The following MECR variants were observed in gnomAD, a reference collection of about 807,000 sequenced individuals.
MECR encodes the protein mitochondrial trans-2-enoyl-CoA reductase.
A neutral mutation model predicts 49.1 loss-of-function variants in MECR; 37 were observed. The ratio of observed to expected loss-of-function variants is 0.75; its 90% CI spans 0.58 to 0.99. The LOEUF is 0.99. Ranked by LOEUF, MECR falls within the 50% of genes least tolerant of loss-of-function variation. The probability of loss-of-function intolerance (pLI) is 0.00; values close to 1 mark genes in which losing one functional copy is unlikely to be tolerated. For synonymous variants in MECR, 198 were observed against 191.1 expected, an observed-to-expected ratio of 1.04 and a Z score of -0.30; for missense variants, 470 against 479.6, an observed-to-expected ratio of 0.98 and a Z score of 0.19.
intron 4 of MECR, among the ~76,000 whole-genome samples, chr1:29,206,000 C>T (rs577736066): frequency 6.6e-6 from 1 of 152,304 alleles, no homozygotes; most frequent in Admixed American, 6.5e-5. Flanking sequence ...ACACTTGGCT[C>T]TGTCATTTAC....
the MECR span, among the ~76,000 whole-genome samples, chr1:29,183,714 G>T: frequency 1.3e-5 from 2 of 152,068 alleles, no homozygotes; most frequent in Non-Finnish European, 2.9e-5. Context: ...AGGAAAATCA[G>T]CTCTTTGTCA....
chr1:29,197,802 T>G (rs920832713), intron 7 of MECR, among the ~76,000 whole-genome samples: 1 of 152,218 alleles, frequency 6.6e-6, no homozygotes, highest in African/African-American at 2.4e-5. Context: ...CTTACCAGGC[T>G]TCTACTATGT....
chr1:29,218,402 T>C (rs925997052), intron 1 of MECR, among the ~76,000 whole-genome samples: 1 of 152,226 alleles, frequency 6.6e-6, no homozygotes, highest in Non-Finnish European at 1.5e-5. Flanking sequence ...ATGCATTTAT[T>C]AAGTAGTAAT....
intron 3 of MECR, among the ~76,000 whole-genome samples, chr1:29,210,089 C>T (rs995420107): frequency 6.6e-6 from 1 of 151,454 alleles, no homozygotes; most frequent in African/African-American, 2.4e-5. Context: ...CAGCTCACTG[C>T]AAGCTCTGCC....
chr1:29,210,012 C>CTT (rs11364584), intron 3 of MECR, among the ~76,000 whole-genome samples: 1 of 141,392 alleles, frequency 7.1e-6, no homozygotes. Flanking sequence ...GGCAGGAACA[C>CTT]TTTTTTTTTT....
intron 3 of MECR, among the ~76,000 whole-genome samples, chr1:29,210,583 C>T (rs74065278): frequency 0.024 from 3,715 of 152,250 alleles, 169 homozygotes; most frequent in African/African-American, 0.084. Flanking sequence ...CAATGGAAAT[C>T]CAACCCTTGA....
At chr1:29,219,369 T>G (rs1267407791) in intron 1 of MECR, among the ~76,000 whole-genome samples, 1 of 152,236 alleles carries the variant, frequency 6.6e-6, no homozygotes, top group East Asian at 1.9e-4. Context: ...TCTGCACATT[T>G]TCTATACGTT....
the MECR span, chr1:29,181,771 G>A: frequency 1.3e-6 from 2 of 1,559,176 alleles, no homozygotes; most frequent in Non-Finnish European, 8.6e-7. Context: ...CGGCAGTGAT[G>A]GCTGGCCCCG....
chr1:29,226,952 CTTT>C (rs890320572), intron 1 of MECR, among the ~76,000 whole-genome samples: 2 of 99,730 alleles, frequency 2.0e-5, no homozygotes, highest in Non-Finnish European at 4.0e-5. Flanking sequence ...TGGGAACTAT[CTTT>C]TTTTTTTTTT....
chr1:29,195,919 T>TG (rs767708023), intron 9 of MECR, 22 bp downstream of exon 9: 1 of 1,613,724 alleles, frequency 6.2e-7, no homozygotes, highest in Non-Finnish European at 8.5e-7. Context: ...CTGTGACTCT[T>TG]GGCACTGGGC....
chr1:29,216,756 C>T, intron 1 of MECR, 71 bp from the exon 2 acceptor site: 1 of 1,608,722 alleles, frequency 6.2e-7, no homozygotes, highest in Non-Finnish European at 8.5e-7. Context: ...AAATCATCTC[C>T]TCAAAGTAGG....
Position 29,230,806 on chromosome 1 carries a change from T to G in MECR, c.101A>C (p.Tyr34Ser). 6.2e-7 allele frequency: 1 copy of G among 1,606,404 alleles called. No homozygotes were observed. Among genetic ancestry groups the G allele is most frequent in the Non-Finnish European group, 8.5e-7 (1 of 1,177,672 alleles). ...SGCHGPAASS[Y>S]SASAEPARVR... ...CCGGGCAGGCTCGGCGGATGCGGAG[T>G]AGGAGGAGGCGGCAGGTCCGTGACA... Residue 34 changes from tyrosine to serine, a missense_variant, in exon 1 of 10, where the codon TAC becomes TCC. By Grantham distance (144) the Tyr-to-Ser change is moderately radical. Coordinates refer to ENST00000263702, the MANE Select transcript of MECR (RefSeq NM_016011.5).
chr1:29,202,146 T>G, intron 5 of MECR, 101 bp from the exon 6 acceptor site: 1 of 1,008,654 alleles, frequency 9.9e-7, no homozygotes, highest in Non-Finnish European at 1.5e-6. Flanking sequence ...TGCTTCTTTT[T>G]GCAGGAAGCT....
chr1:29,177,133 C>T, the MECR span, among the ~76,000 whole-genome samples: 1 of 152,258 alleles, frequency 6.6e-6, no homozygotes, highest in Middle Eastern at 3.4e-3. Context: ...CATGAAATGG[C>T]TTATTATAAA....
chr1:29,198,538 C>T (rs1237323926), intron 7 of MECR, among the ~76,000 whole-genome samples: 1 of 152,206 alleles, frequency 6.6e-6, no homozygotes, highest in Non-Finnish European at 1.5e-5. Flanking sequence ...AAGCGGTGTG[C>T]TCAAATGTGG....
rs745548640 is a variant in MECR at position 29,216,050 on chromosome 1, C to T, written c.361G>A (p.Gly121Arg). ...ATCACCCAGTCTCCTGGCTTCAGCC[C>T]GGTCACATTGCTGCCCACCGCTACC... ...QVVAVGSNVTGLKPGDWVIPA... is the reference protein window; with the variant it reads ...QVVAVGSNVTRLKPGDWVIPA... Residue 121 changes from glycine to arginine, a missense_variant, in exon 3 of 10, where the codon GGG (glycine) becomes AGG (arginine). By Grantham distance (125) the Gly-to-Arg change is moderately radical. Coordinates refer to ENST00000263702, the MANE Select transcript of MECR (RefSeq NM_016011.5). 1.1e-5 allele frequency: 18 copies of T among 1,613,928 alleles called. No individual in the cohort carries two copies. The highest frequency in any genetic ancestry group is 1.6e-4 in the Middle Eastern group (1 of 6,082).
At chr1:29,181,232 A>G in the MECR span, among the ~76,000 whole-genome samples, 3 of 152,202 alleles carry the variant, frequency 2.0e-5, no homozygotes, top group African/African-American at 4.8e-5. Context: ...AAGAGGTGAA[A>G]GGGAGCAGGA....
At chr1:29,167,787 T>C in the MECR span, among the ~76,000 whole-genome samples, 1 of 152,238 alleles carries the variant, frequency 6.6e-6, no homozygotes, top group African/African-American at 2.4e-5. Context: ...CTGTTGGCTA[T>C]TTAGCACAGT....
intron 4 of MECR, among the ~76,000 whole-genome samples, chr1:29,205,373 G>A (rs574934922): frequency 1.3e-5 from 2 of 151,554 alleles, no homozygotes; most frequent in African/African-American, 4.8e-5. Flanking sequence ...TAGTAGAGAC[G>A]GGTTTTCACC....
Sources: allele counts gnomAD v4.1 joint callset (sites outside exome capture counted in the v4.1 genomes callset), GRCh38; gene constraint gnomAD v4.1.1; transcripts MANE v1.5; gene names NCBI Gene and HGNC (gene_info 2026-07-23, HGNC 2026-07-21).